Variants in WDFY3 observed in about 807,000 individuals in gnomAD.
WDFY3 encodes WD repeat and FYVE domain-containing protein 3.
Under a neutral mutation model 409.6 loss-of-function variants are expected in WDFY3, and 66 were observed. That is an observed-to-expected ratio of 0.16 (90% confidence interval 0.13 to 0.20). The LOEUF (loss-of-function observed/expected upper bound fraction) is 0.20, where lower values mean the gene tolerates loss of function less well. WDFY3 is among the 10% of genes least tolerant of loss of function. WDFY3 has a pLI of 1.00. For synonymous variants in WDFY3, 1,521 were observed against 1,537.1 expected (o/e 0.99, Z 0.25); for missense variants, 3,031 against 4,298.1 (o/e 0.71, Z 8.24).
At chr4:84,753,484 A>G (rs947158252) in intron 35 of WDFY3, among the ~76,000 whole-genome samples, 6 of 152,214 alleles carry the variant, frequency 3.9e-5, no homozygotes, top group African/African-American at 9.6e-5. Flanking sequence ...AAGGAAGTAG[A>G]GTTCACTGTG....
At chr4:84,812,454 C>A (rs1365875247) in intron 13 of WDFY3, among the ~76,000 whole-genome samples, 2 of 152,016 alleles carry the variant, frequency 1.3e-5, no homozygotes, top group Non-Finnish European at 2.9e-5. Flanking sequence ...AGTATTTAAC[C>A]ATCCCAGTTA....
intron 1 of WDFY3, among the ~76,000 whole-genome samples, chr4:84,963,755 G>C (rs1169216253): frequency 6.6e-6 from 1 of 152,170 alleles, no homozygotes; most frequent in Non-Finnish European, 1.5e-5. Context: ...GTTTATGAAT[G>C]CTGGCTCTAA....
At position 84,964,103 on chromosome 4, in the gene WDFY3, A is replaced by T. The variant is rs1775294397; in HGVS notation, c.-226+2106T>A. Among the ~76,000 whole-genome samples the T allele has an allele frequency of 1.3e-5, 2 of 152,230 alleles. 1 individual carries two copies. Among genetic ancestry groups the T allele is most frequent in the South Asian group, 4.1e-4 (2 of 4,830 alleles). On this transcript the variant is annotated intron_variant, in intron 1 of 67. Coordinates refer to ENST00000295888, the MANE Select transcript of WDFY3 (RefSeq NM_014991.6). ...ACCCAACAGAGTCTTTATCTAGGAAAAAAGCAAATATATGCTATATTCTGC... is the reference window on the plus strand; with the variant it reads ...ACCCAACAGAGTCTTTATCTAGGAATAAAGCAAATATATGCTATATTCTGC...
chr4:84,884,300 T>C (rs777223064), intron 3 of WDFY3, among the ~76,000 whole-genome samples: 4 of 152,136 alleles, frequency 2.6e-5, no homozygotes, highest in South Asian at 2.1e-4. Flanking sequence ...AAACTTATTA[T>C]TGATCTAGGT....
intron 2 of WDFY3, among the ~76,000 whole-genome samples, chr4:84,903,523 T>C (rs1021139159): frequency 6.6e-6 from 1 of 152,150 alleles, no homozygotes; most frequent in Non-Finnish European, 1.5e-5. Flanking sequence ...TTTCTCCATG[T>C]AACCCAGGCT....
intron 21 of WDFY3, among the ~76,000 whole-genome samples, chr4:84,792,251 A>G (rs1373064989): frequency 6.6e-6 from 1 of 152,220 alleles, no homozygotes; most frequent in Non-Finnish European, 1.5e-5. Context: ...ACAGGTAAAA[A>G]TCTTATCCAT....
At position 84,689,688 on chromosome 4, in the gene WDFY3, G is replaced by A. The variant is rs558040344; in HGVS notation, c.9363+818C>T. On this transcript the variant is annotated intron_variant, in intron 61 of 67. Coordinates refer to ENST00000295888, the MANE Select transcript of WDFY3 (RefSeq NM_014991.6). ...AAATTATAGCTTTACTGCTACATGTGACTTTAGACTTGTGTCTTGACCACT... is the reference window on the plus strand; with the variant it reads ...AAATTATAGCTTTACTGCTACATGTAACTTTAGACTTGTGTCTTGACCACT... Among the ~76,000 whole-genome samples, 137 of 152,254 alleles carry A rather than the reference G, an allele frequency of 9.0e-4. 1 individual carries two copies. Among genetic ancestry groups the A allele is most frequent in the African/African-American group, 3.2e-3 (135 of 41,540 alleles).
At chr4:84,883,751 T>C (rs1350481538) in intron 3 of WDFY3, among the ~76,000 whole-genome samples, 1 of 152,166 alleles carries the variant, frequency 6.6e-6, no homozygotes, top group African/African-American at 2.4e-5. Context: ...AATCTTCTAG[T>C]TGAAATATTT....
chr4:84,928,762 A>G (rs1040606140), intron 2 of WDFY3, among the ~76,000 whole-genome samples: 3 of 152,200 alleles, frequency 2.0e-5, no homozygotes, highest in African/African-American at 4.8e-5. Flanking sequence ...TCTTACTCTT[A>G]AATTTTTTTA....
chr4:84,943,345 T>C (rs1772384720), intron 1 of WDFY3, among the ~76,000 whole-genome samples: 1 of 151,592 alleles, frequency 6.6e-6, no homozygotes, highest in Non-Finnish European at 1.5e-5. Flanking sequence ...CTACTAAGAA[T>C]ACAAAAAAAC....
chr4:84,845,646 G>T (rs1228574391), intron 5 of WDFY3, among the ~76,000 whole-genome samples: 2 of 151,994 alleles, frequency 1.3e-5, no homozygotes, highest in Admixed American at 1.3e-4. Flanking sequence ...GATGATTTAG[G>T]ATATACTTAG....
Position 84,721,654 on chromosome 4 carries a change from A to G in WDFY3, c.7442-82T>C, listed in dbSNP as rs1734873461. ...AGTTTAGTCTCATGTAGTTCCTTCT[A>G]TAGATTTCCAATTTGAGACAATTTT... is the stretch of plus-strand genomic sequence containing the variant. On this transcript the variant is annotated intron_variant, in intron 46 of 67. Coordinates refer to ENST00000295888, the MANE Select transcript of WDFY3 (RefSeq NM_014991.6). The G allele has an allele frequency of 5.3e-6, 8 of 1,510,486 alleles. No individual in the cohort carries two copies. The African/African-American group carries it at 8.3e-5, about 16-fold the overall frequency. 93.6% of individuals were successfully genotyped at this position (1,510,486 alleles called of 1,614,324 possible).
At chr4:84,735,462 G>A (rs566425162) in intron 42 of WDFY3, among the ~76,000 whole-genome samples, 3 of 152,250 alleles carry the variant, frequency 2.0e-5, no homozygotes, top group South Asian at 2.1e-4. Flanking sequence ...GCTTAATGGA[G>A]GTCAATTATA....
At chr4:84,734,918 A>G (rs1737186099) in intron 43 of WDFY3, 125 bp downstream of exon 43, 6 of 750,740 alleles carry the variant, frequency 8.0e-6, no homozygotes, top group South Asian at 3.5e-5. Flanking sequence ...AATTAAAACC[A>G]TCATCTGATG....
At chr4:84,772,779 A>G (rs1299853036) in intron 30 of WDFY3, 56 bp downstream of exon 30, 4 of 1,423,800 alleles carry the variant, frequency 2.8e-6, no homozygotes, top group Non-Finnish European at 3.9e-6. Context: ...GCCAGAAGAA[A>G]AAAGGCATAA....
intron 5 of WDFY3, among the ~76,000 whole-genome samples, chr4:84,847,148 A>G (rs1437843394): frequency 6.6e-6 from 1 of 152,060 alleles, no homozygotes; most frequent in Non-Finnish European, 1.5e-5. Context: ...CCTTTCCCCT[A>G]CTTTGCTTCC....
In WDFY3 at chr4:84,695,509, T is replaced by TAGAGAGAGAG. The variant is rs869147060; in HGVS notation, c.8901+451_8901+460dup. Among the ~76,000 whole-genome samples the TAGAGAGAGAG allele has an allele frequency of 6.4e-3, 683 of 107,358 alleles. 9 individuals are homozygous for TAGAGAGAGAG. The highest frequency in any genetic ancestry group is 8.5e-3 in the Non-Finnish European group (448 of 52,544). 70.4% of individuals were successfully genotyped at this position (107,358 alleles called of 152,430 possible). ...ACACACACACAGAGACAGAGAGAGA[T>TAGAGAGAGAG]AGAGAGAGAGAGAGAGAGAGAGAGA... On this transcript the variant is annotated intron_variant, in intron 58 of 67. Coordinates refer to ENST00000295888, the MANE Select transcript of WDFY3 (RefSeq NM_014991.6).
In WDFY3 at chr4:84,787,555, A is replaced by C. The variant is rs115632253; in HGVS notation, c.3828T>G (p.Pro1276=). The change falls in exon 23 of 68, where the codon CCT becomes CCG. Residue 1276 remains proline (P), a synonymous_variant. Transcript: ENST00000295888. ...GPTHFLEEVL[P]SSNVTTIYEL... The stretch of plus-strand genomic sequence containing the variant: ...CATAAATGGTAGTAACATTTGAAGA[A>C]GGTAAAACTTCTTCTAGAAAATGTG... The C allele has an allele frequency of 5.7e-4, 924 of 1,614,218 alleles. 5 individuals carry two copies. In the African/African-American group the frequency reaches 0.011, roughly 20 times the overall value.
chr4:84,891,706 C>A (rs1192686004), intron 3 of WDFY3, among the ~76,000 whole-genome samples: 1 of 152,070 alleles, frequency 6.6e-6, no homozygotes, highest in Non-Finnish European at 1.5e-5. Flanking sequence ...GATTAGGGAA[C>A]CTGCATTAGA....
Sources: gnomAD v4.1 joint callset for allele counts (sites outside exome capture counted in the v4.1 genomes callset) on GRCh38, gnomAD v4.1.1 for gene constraint, MANE v1.5 for transcripts, NCBI Gene and HGNC (gene_info 2026-07-23, HGNC 2026-07-21) for gene names.